The following SGSH variants were observed in gnomAD, a reference collection of about 807,000 sequenced individuals.
SGSH encodes the protein heparan sulfate sulfatase.
Under a neutral mutation model 51.0 loss-of-function variants are expected in SGSH, and 48 were observed. That is an observed-to-expected ratio of 0.94 (90% confidence interval 0.75 to 1.20). The LOEUF (loss-of-function observed/expected upper bound fraction) is 1.20. SGSH is among the 50% of genes most tolerant of loss of function. The pLI is 0.00. For missense variants in SGSH, 662 were observed against 717.8 expected (o/e 0.92, Z 0.89); for synonymous variants, 321 against 313.4 (o/e 1.02, Z -0.26).
intron 4 of SGSH, 118 bp downstream of exon 4, chr17:80,214,497 A>G: frequency 2.3e-6 from 3 of 1,309,080 alleles, no homozygotes; most frequent in South Asian, 2.7e-5. Context: ...GAGTACCTGG[A>G]ACCTTCTCCC....
At chr17:80,208,309 G>C, downstream of SGSH, 4 of 1,605,918 alleles carry the variant, frequency 2.5e-6, no homozygotes, top group South Asian at 1.1e-5. Flanking sequence ...CCGACGAGCA[G>C]AAGAAGGTGG....
At chr17:80,208,527 CT>C (rs1159122091), downstream of SGSH, 2 of 537,184 alleles carry the variant, frequency 3.7e-6, no homozygotes, top group Non-Finnish European at 3.3e-6. Context: ...AGTGAAGCCA[CT>C]TGTAACTGCA....
chr17:80,207,068 G>A (rs768323293), downstream of SGSH: 1 of 1,613,836 alleles, frequency 6.2e-7, no homozygotes, highest in Non-Finnish European at 8.5e-7. Flanking sequence ...TCAACGAGAA[G>A]ATGGCAAAGA....
chr17:80,205,550 G>GT, downstream of SGSH: 2 of 1,585,774 alleles, frequency 1.3e-6, no homozygotes, highest in Non-Finnish European at 1.7e-6. Flanking sequence ...GCCAGGAGGA[G>GT]TATGAGGCCT....
intron 7 of SGSH, 127 bp from the exon 8 acceptor site, chr17:80,211,138 T>G: frequency 6.6e-7 from 1 of 1,526,072 alleles, no homozygotes. Context: ...GGAGGTGCCT[T>G]GTCGAGCCGA....
downstream of SGSH, chr17:80,204,160 C>T (rs2041145122): frequency 3.4e-6 from 5 of 1,470,126 alleles, no homozygotes; most frequent in African/African-American, 2.8e-5. Context: ...AATCATCTCC[C>T]CTGAATTCCC....
chr17:80,210,203 C>T lies in SGSH; in HGVS notation c.*249G>A. The T allele has an allele frequency of 7.1e-7, 1 of 1,408,998 alleles. No individual in the cohort carries two copies. Among genetic ancestry groups the T allele is most frequent in the Non-Finnish European group, 9.2e-7 (1 of 1,084,078 alleles). The allele number at this position is 1,408,998 out of a possible 1,614,324, so 87.3% of individuals were successfully genotyped here. ...CTGGGACATGGTTCAGACACAAGGA[C>T]AACTGTGTCCCCTGCCATGACGGCA... On this transcript the variant is annotated 3_prime_UTR_variant, in exon 8 of 8. Coordinates refer to ENST00000326317, the MANE Select transcript of SGSH (RefSeq NM_000199.5).
In SGSH at chr17:80,210,938, G is replaced by A. The variant is rs1394098581; in HGVS notation, c.1023C>T (p.Ile341=). The A allele has an allele frequency of 1.9e-6, 3 of 1,605,890 alleles. No homozygotes were observed. The highest frequency in any genetic ancestry group is 2.5e-6 in the Non-Finnish European group (3 of 1,179,926). ...GCAGGAGGGACCGGCCAGTGAGGTG[G>A]ATGGTCTTCGAGCCAAAGATGGCGT... The part of the protein sequence containing the change: ...PSYAIFGSKT[I]HLTGRSLLPA... The change falls in exon 8 of 8, where the codon ATC becomes ATT. Residue 341 remains isoleucine, a synonymous_variant. Coordinates refer to ENST00000326317, the MANE Select transcript of SGSH (RefSeq NM_000199.5).
chr17:80,211,809 GA>G, intron 7 of SGSH: 1 of 550,910 alleles, frequency 1.8e-6, no homozygotes, highest in Non-Finnish European at 3.3e-6. Context: ...GGTAGGCGGG[GA>G]AAAGGCAATG....
downstream of SGSH, chr17:80,204,418 C>G: frequency 7.2e-7 from 1 of 1,386,428 alleles, no homozygotes; most frequent in Non-Finnish European, 9.7e-7. Flanking sequence ...GCTAGTTGGT[C>G]AGCTGGGGCA....
In SGSH at chr17:80,218,314, C is replaced by T. The variant is rs542734014; in HGVS notation, c.89-1122G>A. ...TGTCTATTTCAACCCTTTCATCCTA[C>T]ACAAAGCAGCTGAGGCCCAGAAAGG... On this transcript the variant is annotated intron_variant, in intron 1 of 7. Transcript: ENST00000326317. Among the ~76,000 whole-genome samples the T allele has an allele frequency of 5.9e-5, 9 of 152,362 alleles. No homozygotes were observed. The South Asian group carries it at 1.9e-3, about 32-fold the overall frequency.
At position 80,215,073 on chromosome 17, in the gene SGSH, C is replaced by G. The variant is rs765693219; in HGVS notation, c.315G>C (p.Arg105=). 1 of 1,612,258 alleles carries G rather than the reference C, an allele frequency of 6.2e-7. No individual in the cohort carries two copies. The highest frequency in any genetic ancestry group is 1.1e-5 in the South Asian group (1 of 91,084). ...VHHFNSFDKV[R]SLPLLLSQAG... is the part of the protein sequence containing the mutation. ...CTTGGCTGAGCAGCAGCGGCAGGCT[C>G]CGCACCTTGTCGAAGGAGTTGAAGT... The change falls in exon 3 of 8, where the codon CGG becomes CGC. Residue 105 remains arginine, a synonymous_variant. Transcript: ENST00000326317.
chr17:80,206,721 C>T (rs1402154274), downstream of SGSH: 3 of 215,770 alleles, frequency 1.4e-5, no homozygotes, highest in East Asian at 9.9e-5. Context: ...GAGCCGAGAT[C>T]GCGCCACTGC....
rs376380985 is a variant in SGSH at position 80,212,038 on chromosome 17, C to T, written c.949+33G>A. On this transcript the variant is annotated intron_variant, in intron 7 of 7. Coordinates refer to ENST00000326317, the MANE Select transcript of SGSH (RefSeq NM_000199.5). The surrounding 1 kb of genome is among the most constrained non-coding windows in gnomAD (Gnocchi z 5.9). ...TGGCCCCGTCCCAGATCCACTCCCA[C>T]ACCTTTCCTGACGGAGACAGACAAA... The T allele has an allele frequency of 5.1e-5, 81 of 1,592,842 alleles. No homozygotes were observed. Among genetic ancestry groups the T allele is most frequent in the Non-Finnish European group, 6.9e-5 (80 of 1,161,734 alleles).
In SGSH at chr17:80,210,803, G is replaced by A. The variant is rs765011477; in HGVS notation, c.1158C>T (p.Leu386=). 14 of 1,613,960 alleles carry A rather than the reference G, an allele frequency of 8.7e-6. No homozygotes were observed. Among genetic ancestry groups the A allele is most frequent in the East Asian group, 2.2e-5 (1 of 44,896 alleles). The change falls in exon 8 of 8, where the codon CTC becomes CTT. Residue 386 remains leucine, a synonymous_variant. Coordinates refer to ENST00000326317, the MANE Select transcript of SGSH (RefSeq NM_000199.5). ...MRSVQHRHFR[L]VHNLNFKMPF... Reference sequence around the variant, plus strand: ...GCATCTTGAAGTTGAGGTTGTGCACGAGGCGGAAGTGCCGGTGCTGCACGG... The same window carrying A: ...GCATCTTGAAGTTGAGGTTGTGCACAAGGCGGAAGTGCCGGTGCTGCACGG...
the SGSH span, chr17:80,201,644 G>GC: frequency 7.8e-7 from 1 of 1,287,970 alleles, no homozygotes; most frequent in Non-Finnish European, 1.1e-6. The surrounding 1 kb of genome is among the most constrained non-coding windows in gnomAD (Gnocchi z 5.0). Flanking sequence ...CTACGGCAGG[G>GC]CTGGCCCGCG....
chr17:80,205,365 C>T, downstream of SGSH: 1 of 1,160,838 alleles, frequency 8.6e-7, no homozygotes, highest in South Asian at 1.5e-5. Flanking sequence ...GATGGAGGTG[C>T]AGGGCACAGA....
chr17:80,219,213 G>C (rs1598766301), intron 1 of SGSH, among the ~76,000 whole-genome samples: 1 of 142,172 alleles, frequency 7.0e-6, no homozygotes, highest in East Asian at 2.0e-4. Context: ...GAAAGGAAAA[G>C]GAAGTGAGAC....
At chr17:80,202,321 A>G, downstream of SGSH, 1 of 1,613,626 alleles carries the variant, frequency 6.2e-7, no homozygotes, top group Non-Finnish European at 8.5e-7. Flanking sequence ...CACGTCACCG[A>G]CACCATGTTC....
Sources: allele counts gnomAD v4.1 joint callset (sites outside exome capture counted in the v4.1 genomes callset), GRCh38; gene constraint gnomAD v4.1.1; non-coding constraint Gnocchi (gnomAD v3.1); transcripts MANE v1.5; gene names NCBI Gene and HGNC (gene_info 2026-07-23, HGNC 2026-07-21).